Variants in PTCD2 observed in about 807,000 individuals in gnomAD.
The protein encoded by PTCD2 is pentatricopeptide repeat domain 2, also known as pentatricopeptide repeat-containing protein 2, mitochondrial.
Under a neutral mutation model 42.6 loss-of-function variants are expected in PTCD2, and 31 were observed. The ratio of observed to expected loss-of-function variants is 0.73; its 90% CI spans 0.55 to 0.98. The LOEUF is 0.98. PTCD2 is among the 50% of genes least tolerant of loss of function. PTCD2 has a pLI of 0.00. For synonymous variants in PTCD2, 183 were observed against 170.9 expected (o/e 1.07, Z -0.55); for missense variants, 476 against 454.8 (o/e 1.05, Z -0.42).
chr5:72,326,337 A>G (rs1299346628), intron 2 of PTCD2, among the ~76,000 whole-genome samples: 1 of 152,202 alleles, frequency 6.6e-6, no homozygotes, highest in Non-Finnish European at 1.5e-5. Context: ...GGGAATCAAA[A>G]ATGCCAATTC....
rs989196574 is a variant in PTCD2 at position 72,358,656 on chromosome 5, G to T, written c.*229G>T. 9.1e-6 allele frequency: 5 copies of T among 551,550 alleles called. No individual in the cohort carries two copies. Among genetic ancestry groups the T allele is most frequent in the Non-Finnish European group, 1.6e-5 (5 of 307,606 alleles). 34.2% of individuals were successfully genotyped at this position (551,550 alleles called of 1,614,324 possible). A position where few individuals can be genotyped will look rare whatever the true frequency, so the allele number is the denominator to read the frequency against. The stretch of plus-strand genomic sequence containing the variant: ...TCCCTCAGAAAGGCGCTTCCCTTTT[G>T]CATGGCTGAGGATCCTTGAAGGAAC... On this transcript the variant is annotated 3_prime_UTR_variant, in exon 10 of 10. Coordinates refer to ENST00000380639, the MANE Select transcript of PTCD2 (RefSeq NM_024754.5).
chr5:72,324,945 CAG>C (rs1362832934), intron 2 of PTCD2, among the ~76,000 whole-genome samples: 5 of 150,674 alleles, frequency 3.3e-5, no homozygotes, highest in East Asian at 2.0e-4. Flanking sequence ...TTTTCTGAGA[CAG>C]AGTCTTGCTC....
chr5:72,346,977 C>G (rs1358131729), intron 8 of PTCD2, among the ~76,000 whole-genome samples: 1 of 152,168 alleles, frequency 6.6e-6, no homozygotes, highest in African/African-American at 2.4e-5. Flanking sequence ...GATAAGAAAT[C>G]AAACAGTGAG....
At chr5:72,337,576 A>G (rs1751817775) in intron 6 of PTCD2, among the ~76,000 whole-genome samples, 1 of 152,092 alleles carries the variant, frequency 6.6e-6, no homozygotes, top group Non-Finnish European at 1.5e-5. Context: ...CAGGCAGATC[A>G]CCTGAGGTCA....
chr5:72,337,672 A>G (rs1360619264), intron 6 of PTCD2, among the ~76,000 whole-genome samples: 3 of 152,158 alleles, frequency 2.0e-5, no homozygotes, highest in Non-Finnish European at 4.4e-5. Flanking sequence ...AGATACCTGT[A>G]ATCCCAGCTA....
intron 6 of PTCD2, among the ~76,000 whole-genome samples, chr5:72,338,301 A>G (rs1458360157): frequency 6.6e-6 from 1 of 152,218 alleles, no homozygotes. Flanking sequence ...GAACCTTTAT[A>G]CTCATAAATT....
At chr5:72,347,624 C>T (rs1257943033) in intron 8 of PTCD2, among the ~76,000 whole-genome samples, 3 of 152,116 alleles carry the variant, frequency 2.0e-5, no homozygotes, top group Non-Finnish European at 4.4e-5. Context: ...GAGGCGGAGG[C>T]TGCTGTGAGT....
intron 9 of PTCD2, 83 bp from the exon 10 acceptor site, chr5:72,358,120 T>C: frequency 7.9e-7 from 1 of 1,263,392 alleles, no homozygotes; most frequent in Non-Finnish European, 1.1e-6. Context: ...TTTGTTCATG[T>C]CCATTTCTTT....
chr5:72,345,972 C>A (rs1048498525), intron 8 of PTCD2, among the ~76,000 whole-genome samples: 3 of 152,180 alleles, frequency 2.0e-5, no homozygotes, highest in Admixed American at 6.5e-5. Flanking sequence ...TAGTTATCCT[C>A]AAATGTCATC....
At position 72,367,468 on chromosome 5, in the gene PTCD2, C is replaced by A. The variant is rs534171340; in HGVS notation, c.*9041C>A. On this transcript the variant is annotated 3_prime_UTR_variant, in exon 10 of 10. Transcript: ENST00000380639. ...ACAACAACTGATGAGGTAAAAGAAA[C>A]AAACTGTTAATGACTCTAAACAATG... 2 of 152,284 alleles carry A rather than the reference C, an allele frequency of 1.3e-5. No individual in the cohort carries two copies. Among genetic ancestry groups the A allele is most frequent in the Non-Finnish European group, 2.9e-5 (2 of 68,022 alleles). The allele number at this position is 152,284 out of a possible 1,614,324, so 9.4% of individuals were successfully genotyped here.
At chr5:72,338,885 A>T (rs10942271) in intron 7 of PTCD2, 150 bp downstream of exon 7, 3 of 505,038 alleles carry the variant, frequency 5.9e-6, no homozygotes, top group Admixed American at 3.7e-5. Context: ...ATGGCAACCT[A>T]TATCTATACC....
chr5:72,336,937 G>A (rs968093573), intron 6 of PTCD2, among the ~76,000 whole-genome samples: 1 of 151,996 alleles, frequency 6.6e-6, no homozygotes, highest in Non-Finnish European at 1.5e-5. Context: ...GAAGAACATG[G>A]GCTGTTGAAA....
At position 72,358,842 on chromosome 5, in the gene PTCD2, C is replaced by G. The variant is rs1034476824; in HGVS notation, c.*415C>G. The G allele has an allele frequency of 1.0e-5, 2 of 198,160 alleles. No individual in the cohort carries two copies. The highest frequency in any genetic ancestry group is 4.7e-5 in the African/African-American group (2 of 42,854). The allele number at this position is 198,160 out of a possible 1,614,324, so 12.3% of individuals were successfully genotyped here. A position where few individuals can be genotyped will look rare whatever the true frequency, so the allele number is the denominator to read the frequency against. On this transcript the variant is annotated 3_prime_UTR_variant, in exon 10 of 10. Transcript: ENST00000380639. Reference sequence around the variant, plus strand: ...TCAGGAGGTATGAAACCCTATTTTACCATGTTAGAAAACAGCCCAGGATTT... The same window carrying G: ...TCAGGAGGTATGAAACCCTATTTTAGCATGTTAGAAAACAGCCCAGGATTT...
At chr5:72,353,303 A>T (rs908716216) in intron 9 of PTCD2, among the ~76,000 whole-genome samples, 7 of 152,182 alleles carry the variant, frequency 4.6e-5, no homozygotes, top group African/African-American at 1.4e-4. Context: ...TCTTTTGGCT[A>T]TCATCAGTAT....
At chr5:72,338,778 G>A (rs1002875767) in intron 7 of PTCD2, 43 bp downstream of exon 7, 2 of 1,071,450 alleles carry the variant, frequency 1.9e-6, no homozygotes, top group African/African-American at 3.2e-5. Context: ...GAGTGGCCAG[G>A]ACTTCATTAC....
chr5:72,343,149 G>T (rs904807297), intron 8 of PTCD2, 113 bp downstream of exon 8: 8 of 457,490 alleles, frequency 1.7e-5, no homozygotes, highest in Non-Finnish European at 2.2e-5. Context: ...GCTCTCCCAA[G>T]GTTTTCATTC....
intron 8 of PTCD2, among the ~76,000 whole-genome samples, chr5:72,351,569 A>C (rs892088453): frequency 3.9e-5 from 6 of 152,348 alleles, no homozygotes; most frequent in South Asian, 4.1e-4. Context: ...ACAGTATCAC[A>C]TGGCTGGGGA....
intron 2 of PTCD2, among the ~76,000 whole-genome samples, 157 bp from the exon 3 acceptor site, chr5:72,326,455 G>A (rs1751141602): frequency 6.6e-6 from 1 of 152,166 alleles, no homozygotes; most frequent in Non-Finnish European, 1.5e-5. Flanking sequence ...TGCTGTTCTA[G>A]AGGAGATTGG....
chr5:72,326,281 T>C (rs967779050), intron 2 of PTCD2, among the ~76,000 whole-genome samples: 3 of 152,250 alleles, frequency 2.0e-5, no homozygotes, highest in African/African-American at 4.8e-5. Context: ...GAGCCAAGCC[T>C]CTGGAACAGT....
Sources: allele counts gnomAD v4.1 joint callset (sites outside exome capture counted in the v4.1 genomes callset), GRCh38; gene constraint gnomAD v4.1.1; transcripts MANE v1.5; gene names NCBI Gene and HGNC (gene_info 2026-07-23, HGNC 2026-07-21).